Variants in NR3C2 observed in about 807,000 individuals in gnomAD.
The protein encoded by NR3C2 is nuclear receptor subfamily 3 group C member 2, also known as mineralocorticoid receptor.
NR3C2 carries 15 observed loss-of-function variants against 86.4 expected under a neutral mutation model. The observed-to-expected ratio is 0.17, with a 90% CI of 0.12 to 0.27. The LOEUF is 0.27. Ranked by LOEUF, NR3C2 falls within the 10% of genes least tolerant of loss-of-function variation. The probability of loss-of-function intolerance (pLI) is 1.00; values close to 1 mark genes in which losing one functional copy is unlikely to be tolerated. For synonymous variants in NR3C2, 458 were observed against 450.5 expected, an observed-to-expected ratio of 1.02 and a Z score of -0.21; for missense variants, 960 against 1,195.6, an observed-to-expected ratio of 0.80 and a Z score of 2.91.
At chr4:148,225,020 A>C (rs1017866137) in intron 3 of NR3C2, among the ~76,000 whole-genome samples, 1 of 152,220 alleles carries the variant, frequency 6.6e-6, no homozygotes, top group Non-Finnish European at 1.5e-5. Flanking sequence ...AGTAAGCATT[A>C]AGGAATTATA....
chr4:148,081,150 A>T lies in NR3C2; in HGVS notation c.*194T>A. The T allele has an allele frequency of 1.5e-6, 1 of 683,974 alleles. No homozygotes were observed. The highest frequency in any genetic ancestry group is 2.6e-6 in the Non-Finnish European group (1 of 389,250). 42.4% of individuals were successfully genotyped at this position (683,974 alleles called of 1,614,324 possible). The stretch of plus-strand genomic sequence containing the variant: ...GGATTGGAGGTGGGGAATCCTTCAG[A>T]CTGCTCTGGTCTCGCCAAATCCACG... On this transcript the variant is annotated 3_prime_UTR_variant, in exon 9 of 9. Transcript: ENST00000358102.
chr4:148,433,721 A>T (rs185144464), intron 2 of NR3C2, among the ~76,000 whole-genome samples: 158 of 152,302 alleles, frequency 1.0e-3, no homozygotes, highest in African/African-American at 3.4e-3. Flanking sequence ...ACCTCATACC[A>T]GCTCACTAAA....
intron 4 of NR3C2, among the ~76,000 whole-genome samples, chr4:148,179,898 T>G (rs1366946286): frequency 6.6e-6 from 1 of 151,736 alleles, no homozygotes; most frequent in Non-Finnish European, 1.5e-5. Flanking sequence ...AACCACACTT[T>G]CACTGACTTA....
chr4:148,372,753 G>GT (rs1053176304), intron 2 of NR3C2, among the ~76,000 whole-genome samples: 3 of 152,172 alleles, frequency 2.0e-5, no homozygotes, highest in Admixed American at 6.5e-5. Context: ...AAGTTATTAA[G>GT]TTATAGCATG....
At chr4:148,337,802 C>A (rs553649021) in intron 2 of NR3C2, among the ~76,000 whole-genome samples, 1 of 152,048 alleles carries the variant, frequency 6.6e-6, no homozygotes, top group Non-Finnish European at 1.5e-5. Context: ...ATTTATAATG[C>A]GATGATTTCA....
chr4:148,116,860 A>C (rs963753239), intron 7 of NR3C2, among the ~76,000 whole-genome samples: 1 of 152,232 alleles, frequency 6.6e-6, no homozygotes, highest in Non-Finnish European at 1.5e-5. Flanking sequence ...ATTTAGATTG[A>C]GTAGTCAACA....
chr4:148,351,902 G>A (rs190957820), intron 2 of NR3C2, among the ~76,000 whole-genome samples: 40 of 152,224 alleles, frequency 2.6e-4, no homozygotes, highest in Admixed American at 1.8e-3. Flanking sequence ...CTGTTCTTAA[G>A]CCTTGGCTGG....
At chr4:148,298,663 T>A (rs1038782052) in intron 2 of NR3C2, among the ~76,000 whole-genome samples, 3 of 152,232 alleles carry the variant, frequency 2.0e-5, no homozygotes, top group Non-Finnish European at 2.9e-5. Context: ...TCTGCAGAAC[T>A]ACTACTCCTT....
intron 3 of NR3C2, among the ~76,000 whole-genome samples, chr4:148,204,502 T>A (rs1204114249): frequency 6.6e-6 from 1 of 152,210 alleles, no homozygotes; most frequent in Non-Finnish European, 1.5e-5. Flanking sequence ...ATGAGATTGG[T>A]CATATTATCC....
intron 2 of NR3C2, among the ~76,000 whole-genome samples, chr4:148,312,110 G>A (rs1234546582): frequency 6.6e-6 from 1 of 152,110 alleles, no homozygotes; most frequent in Admixed American, 6.6e-5. Flanking sequence ...GTGTACTGGA[G>A]GCAGCTTATA....
chr4:148,115,433 A>C (rs1732230750), intron 7 of NR3C2, among the ~76,000 whole-genome samples: 1 of 152,236 alleles, frequency 6.6e-6, no homozygotes, highest in Non-Finnish European at 1.5e-5. Context: ...GGTGATAAAG[A>C]CCTAATGAAA....
chr4:148,415,869 A>G (rs1481129741), intron 2 of NR3C2, among the ~76,000 whole-genome samples: 1 of 152,200 alleles, frequency 6.6e-6, no homozygotes, highest in African/African-American at 2.4e-5. Context: ...GGTAAATACA[A>G]AAAGAAAAAT....
chr4:148,110,585 G>T (rs1181855326), intron 8 of NR3C2, among the ~76,000 whole-genome samples: 1 of 152,184 alleles, frequency 6.6e-6, no homozygotes, highest in African/African-American at 2.4e-5. Flanking sequence ...GTGAATGTTA[G>T]AAAGGTCCCT....
chr4:148,396,714 C>G (rs61756940), intron 2 of NR3C2, among the ~76,000 whole-genome samples: 1 of 152,126 alleles, frequency 6.6e-6, no homozygotes, highest in Non-Finnish European at 1.5e-5. Context: ...AATCACACAA[C>G]AGACCATTTT....
chr4:148,318,021 C>T (rs1400725254), intron 2 of NR3C2, among the ~76,000 whole-genome samples: 35 of 120,550 alleles, frequency 2.9e-4, no homozygotes, highest in African/African-American at 1.1e-3. Context: ...GCTATCCCTC[C>T]CCCCTCCCCC....
intron 3 of NR3C2, among the ~76,000 whole-genome samples, chr4:148,249,517 T>C (rs1377378896): frequency 6.6e-6 from 1 of 152,232 alleles, no homozygotes; most frequent in African/African-American, 2.4e-5. Context: ...TCTTTCATCT[T>C]TTGCTTTATT....
chr4:148,331,480 C>A (rs1744234488), intron 2 of NR3C2, among the ~76,000 whole-genome samples: 1 of 152,140 alleles, frequency 6.6e-6, no homozygotes, highest in African/African-American at 2.4e-5. Flanking sequence ...AAAGTAAAGA[C>A]ACATCAATTA....
chr4:148,318,205 T>A (rs2149947519), intron 2 of NR3C2, among the ~76,000 whole-genome samples: 1 of 151,670 alleles, frequency 6.6e-6, no homozygotes, highest in South Asian at 2.1e-4. Context: ...GGACATGAAC[T>A]CATCATTTTT....
intron 3 of NR3C2, among the ~76,000 whole-genome samples, chr4:148,211,515 A>G (rs1353393549): frequency 6.6e-6 from 1 of 152,230 alleles, no homozygotes; most frequent in Non-Finnish European, 1.5e-5. Flanking sequence ...CAATTATAAA[A>G]CTGAAAAAAT....
Sources: allele counts gnomAD v4.1 joint callset (sites outside exome capture counted in the v4.1 genomes callset), GRCh38; gene constraint gnomAD v4.1.1; transcripts MANE v1.5; gene names NCBI Gene and HGNC (gene_info 2026-07-23, HGNC 2026-07-21).